Variants in KLF4 observed in about 807,000 individuals in gnomAD.
KLF4 encodes KLF transcription factor 4.
A neutral mutation model predicts 38.0 loss-of-function variants in KLF4; 14 were observed. The observed-to-expected ratio is 0.37, with a 90% CI of 0.24 to 0.58. The LOEUF is 0.58. Among genes scored for constraint, KLF4 ranks in the 20% least tolerant of loss-of-function variants. The pLI is 0.76. For synonymous variants in KLF4, 398 were observed against 302.5 expected, an observed-to-expected ratio of 1.32 and a Z score of -3.28; for missense variants, 737 against 670.1, an observed-to-expected ratio of 1.10 and a Z score of -1.10.
In KLF4 at chr9:107,485,582, G is replaced by T. The variant is rs1415200463; in HGVS notation, c.*169C>A. The stretch of plus-strand genomic sequence containing the variant: ...TCTGTTCTTTGATTTTTGTCTTTTG[G>T]ATTCCTCATTTTTCCTGATTATCCA... On this transcript the variant is annotated 3_prime_UTR_variant, in exon 5 of 5. Transcript: ENST00000374672. This position sits in a 1 kb window ranked among gnomAD's most constrained non-coding sequence, Gnocchi z 4.9. The T allele has an allele frequency of 4.9e-6, 3 of 616,032 alleles. No homozygotes were observed. The Admixed American group carries it at 9.9e-5, about 20-fold the overall frequency. The allele number at this position is 616,032 out of a possible 1,614,324, so 38.2% of individuals were successfully genotyped here.
rs1044316336 is a variant in KLF4 at position 107,488,938 on chromosome 9, G to A, written c.118C>T (p.Pro40Ser). The change falls in exon 2 of 5, where the codon CCG (proline) becomes TCG (serine). Residue 40 changes from proline (P) to serine (S), a missense_variant. This residue lies in a region of KLF4 where 695 missense variants were observed against 554.5 expected (regional missense o/e 1.25). Transcript: ENST00000374672. The surrounding 1 kb of genome is among the most constrained non-coding windows in gnomAD (Gnocchi z 5.7). The part of the protein sequence containing the change: ...REKTLRQAGA[P>S]NNRWREELSH... Reference sequence around the variant, plus strand: ...CCCGGAGCGATACTCACGTTATTCGGGGCACCTGCTTGACGCAGTGTCTTC... The same window carrying A: ...CCCGGAGCGATACTCACGTTATTCGAGGCACCTGCTTGACGCAGTGTCTTC... 5 of 1,556,082 alleles carry A rather than the reference G, an allele frequency of 3.2e-6. No homozygotes were observed. The highest frequency in any genetic ancestry group is 4.3e-6 in the Non-Finnish European group (5 of 1,149,490).
Position 107,489,298 on chromosome 9 carries a change from T to C in KLF4, c.-126A>G. 8.0e-7 allele frequency: 1 copy of C among 1,254,732 alleles called. No homozygotes were observed. Among genetic ancestry groups the C allele is most frequent in the South Asian group, 1.7e-5 (1 of 57,866 alleles). 77.7% of individuals were successfully genotyped at this position (1,254,732 alleles called of 1,614,324 possible). ...CAAATTGGCCGAGATCCTTCTTCTT[T>C]GGATTAAATATAACTTGGAAGCGTC... is the stretch of plus-strand genomic sequence containing the variant. On this transcript the variant is annotated 5_prime_UTR_variant, in exon 1 of 5. Transcript: ENST00000374672.
At position 107,485,627 on chromosome 9, in the gene KLF4, G is replaced by T; in HGVS notation, c.*124C>A. 1 of 936,862 alleles carries T rather than the reference G, an allele frequency of 1.1e-6. No individual in the cohort carries two copies. Among genetic ancestry groups the T allele is most frequent in the Non-Finnish European group, 1.5e-6 (1 of 647,892 alleles). 58.0% of individuals were successfully genotyped at this position (936,862 alleles called of 1,614,324 possible). A position where few individuals can be genotyped will look rare whatever the true frequency, so the allele number is the denominator to read the frequency against. ...TATCCACTCACAAGATGACTCAGTTGGGAACTTGACCATGATTGTAGTGCT... is the reference window on the plus strand; with the variant it reads ...TATCCACTCACAAGATGACTCAGTTTGGAACTTGACCATGATTGTAGTGCT... On this transcript the variant is annotated 3_prime_UTR_variant, in exon 5 of 5. Coordinates refer to ENST00000374672, the MANE Select transcript of KLF4 (RefSeq NM_004235.6). The surrounding 1 kb of genome is among the most constrained non-coding windows in gnomAD (Gnocchi z 4.9).
At position 107,488,155 on chromosome 9, in the gene KLF4, C is replaced by T. The variant is rs775504399; in HGVS notation, c.239G>A (p.Gly80Asp). ...CAGGTTGCTACCGCCGCAAGCCGCA[C>T]CGGCTCCGCCGCTCTCCAGGTCTGT... ...VATDLESGGA[G>D]AACGGSNLAP... Residue 80 changes from glycine to aspartate, a missense_variant, in exon 3 of 5, where the codon GGT (glycine) becomes GAT (aspartate). By Grantham distance (94) the Gly-to-Asp change is moderately conservative. Transcript: ENST00000374672. The surrounding 1 kb of genome is among the most constrained non-coding windows in gnomAD (Gnocchi z 5.7). 4 of 1,612,618 alleles carry T rather than the reference C, an allele frequency of 2.5e-6. No individual in the cohort carries two copies. Among genetic ancestry groups the T allele is most frequent in the Non-Finnish European group, 2.5e-6 (3 of 1,179,874 alleles).
chr9:107,485,633 T>C lies in KLF4; in HGVS notation c.*118A>G, dbSNP rs551922972. The C allele has an allele frequency of 3.3e-5, 34 of 1,023,882 alleles. No individual in the cohort carries two copies. The highest frequency in any genetic ancestry group is 2.8e-5 in the East Asian group (1 of 36,230). 63.4% of individuals were successfully genotyped at this position (1,023,882 alleles called of 1,614,324 possible). On this transcript the variant is annotated 3_prime_UTR_variant, in exon 5 of 5. Coordinates refer to ENST00000374672, the MANE Select transcript of KLF4 (RefSeq NM_004235.6). The surrounding 1 kb of genome is among the most constrained non-coding windows in gnomAD (Gnocchi z 4.9). ...CTCACAAGATGACTCAGTTGGGAAC[T>C]TGACCATGATTGTAGTGCTTTCTGG...
chr9:107,485,849 G>C lies in KLF4; in HGVS notation c.1342C>G (p.Arg448Gly). Residue 448 changes from arginine (R) to glycine (G), a missense_variant, in exon 5 of 5, where the codon CGT (arginine) becomes GGT (glycine). Transcript: ENST00000374672. This position sits in a 1 kb window ranked among gnomAD's most constrained non-coding sequence, Gnocchi z 4.9. ...ARSDELTRHY[R>G]KHTGHRPFQC... ...AACGGGCGGTGCCCCGTGTGTTTAC[G>C]GTAGTGCCTGGTCAGTTCATCTGAG... 1 of 1,612,630 alleles carries C rather than the reference G, an allele frequency of 6.2e-7. No homozygotes were observed. Among genetic ancestry groups the C allele is most frequent in the Non-Finnish European group, 8.5e-7 (1 of 1,179,596 alleles).
rs569435195 is a variant in KLF4 at position 107,488,325 on chromosome 9, T to A, written c.127-58A>T. The stretch of plus-strand genomic sequence containing the variant: ...GGTGGTCCCCTGTTGCCACCCGACA[T>A]ACTGACGTGCTGGCGGGCCACGCGC... On this transcript the variant is annotated intron_variant, in intron 2 of 4. Transcript: ENST00000374672. This position sits in a 1 kb window ranked among gnomAD's most constrained non-coding sequence, Gnocchi z 5.7. 4 of 1,486,194 alleles carry A rather than the reference T, an allele frequency of 2.7e-6. No homozygotes were observed. In the African/African-American group the frequency reaches 5.6e-5, roughly 21 times the overall value. The allele number at this position is 1,486,194 out of a possible 1,614,324, so 92.1% of individuals were successfully genotyped here. A position where few individuals can be genotyped will look rare whatever the true frequency, so the allele number is the denominator to read the frequency against.
chr9:107,489,733 C>T lies in KLF4; in HGVS notation c.-561G>A, dbSNP rs934959504. 1.4e-5 allele frequency: 3 copies of T among 207,478 alleles called. No homozygotes were observed. Among genetic ancestry groups the T allele is most frequent in the Non-Finnish European group, 3.0e-5 (3 of 101,628 alleles). 12.9% of individuals were successfully genotyped at this position (207,478 alleles called of 1,614,324 possible). ...CCACCGCCTCTGCTCCCCGCGCGCC[C>T]GCAGACACGTTCGTTCTCTCTGGTC... On this transcript the variant is annotated 5_prime_UTR_variant, in exon 1 of 5. Transcript: ENST00000374672.
chr9:107,487,157 G>A lies in KLF4; in HGVS notation c.1135C>T (p.Pro379Ser), dbSNP rs2133187664. The A allele has an allele frequency of 6.2e-7, 1 of 1,614,178 alleles. No homozygotes were observed. The highest frequency in any genetic ancestry group is 8.5e-7 in the Non-Finnish European group (1 of 1,180,038). The change falls in exon 4 of 5, where the codon CCC becomes TCC. Residue 379 changes from proline to serine, a missense_variant. Physicochemically the swap from Pro to Ser is moderately conservative, Grantham distance 74 (BLOSUM62 -1). Coordinates refer to ENST00000374672, the MANE Select transcript of KLF4 (RefSeq NM_004235.6). This position sits in a 1 kb window ranked among gnomAD's most constrained non-coding sequence, Gnocchi z 6.1. ...MPPGSCMPEEPKPKRGRRSWP... is the reference protein window; with the variant it reads ...MPPGSCMPEESKPKRGRRSWP... ...GATCGTCTTCCCCTCTTTGGCTTGG[G>A]CTCCTCTGGCATGCAGGAACCGGGT...
In KLF4 at chr9:107,489,332, A is replaced by T. The variant is rs570588522; in HGVS notation, c.-160T>A. 1.1e-5 allele frequency: 11 copies of T among 1,039,014 alleles called. No homozygotes were observed. In the Admixed American group the frequency reaches 3.5e-4, roughly 33 times the overall value. The allele number at this position is 1,039,014 out of a possible 1,614,324, so 64.4% of individuals were successfully genotyped here. A position where few individuals can be genotyped will look rare whatever the true frequency, so the allele number is the denominator to read the frequency against. On this transcript the variant is annotated 5_prime_UTR_variant, in exon 1 of 5. Transcript: ENST00000374672. ...TATAACTTGGAAGCGTCTTTTTTAA[A>T]AAGTTCCTTTGTATACAAAAGTTCT...
chr9:107,487,911 G>A lies in KLF4; in HGVS notation c.483C>T (p.Gly161=), dbSNP rs1306721375. Residue 161 remains glycine, a synonymous_variant, in exon 3 of 5, where the codon GGC becomes GGT. Coordinates refer to ENST00000374672, the MANE Select transcript of KLF4 (RefSeq NM_004235.6). This position sits in a 1 kb window ranked among gnomAD's most constrained non-coding sequence, Gnocchi z 6.1. ...CTCCGCCCGTGCCGCCCGGCGCCAC[G>A]CCCGGGTCGTTCCCGGCCCGGATCG... ...TYPIRAGNDP[G]VAPGGTGGGL... 1 of 1,570,646 alleles carries A rather than the reference G, an allele frequency of 6.4e-7. No individual in the cohort carries two copies. Among genetic ancestry groups the A allele is most frequent in the Non-Finnish European group, 8.6e-7 (1 of 1,158,526 alleles).
rs1401779728 is a variant in KLF4 at position 107,489,547 on chromosome 9, T to C, written c.-375A>G. On this transcript the variant is annotated 5_prime_UTR_variant, in exon 1 of 5. Coordinates refer to ENST00000374672, the MANE Select transcript of KLF4 (RefSeq NM_004235.6). ...TGCCGCCAGGTGAGACTGGCTGCCGTGGCGCGGAGCTGCGAACTGGTCGGC... is the reference window on the plus strand; with the variant it reads ...TGCCGCCAGGTGAGACTGGCTGCCGCGGCGCGGAGCTGCGAACTGGTCGGC... The C allele has an allele frequency of 4.3e-6, 1 of 234,034 alleles. No homozygotes were observed. Among genetic ancestry groups the C allele is most frequent in the South Asian group, 1.8e-4 (1 of 5,604 alleles). 14.5% of individuals were successfully genotyped at this position (234,034 alleles called of 1,614,324 possible). A position where few individuals can be genotyped will look rare whatever the true frequency, so the allele number is the denominator to read the frequency against.
In KLF4 at chr9:107,488,013, T is replaced by C. The variant is rs1315733835; in HGVS notation, c.381A>G (p.Ser127=). 3 of 1,606,748 alleles carry C rather than the reference T, an allele frequency of 1.9e-6. No homozygotes were observed. ...GCGACGACGAAGAGGAGGCTGACGC[T>C]GACGAGGACACGGTGGCGGCCACTG... ...PESVAATVSS[S]ASASSSSSPS... is the part of the protein sequence containing the mutation. The change falls in exon 3 of 5, where the codon TCA becomes TCG. Residue 127 remains serine, a synonymous_variant. Transcript: ENST00000374672. This position sits in a 1 kb window ranked among gnomAD's most constrained non-coding sequence, Gnocchi z 5.7.
Position 107,489,349 on chromosome 9 carries a change from A to T in KLF4, c.-177T>A. 1 of 864,332 alleles carries T rather than the reference A, an allele frequency of 1.2e-6. No homozygotes were observed. The highest frequency in any genetic ancestry group is 1.6e-6 in the Non-Finnish European group (1 of 614,496). 53.5% of individuals were successfully genotyped at this position (864,332 alleles called of 1,614,324 possible). A position where few individuals can be genotyped will look rare whatever the true frequency, so the allele number is the denominator to read the frequency against. On this transcript the variant is annotated 5_prime_UTR_variant, in exon 1 of 5. Transcript: ENST00000374672. ...TTTTTTAAAAAGTTCCTTTGTATAC[A>T]AAAGTTCTTAGAAAAGTTGTAAACG...
Position 107,488,669 on chromosome 9 carries a change from A to G in KLF4, c.126+261T>C, listed in dbSNP as rs915438143. 7.9e-5 allele frequency among the ~76,000 whole-genome samples: 12 copies of G among 152,134 alleles called. No individual in the cohort carries two copies. Among genetic ancestry groups the G allele is most frequent in the Admixed American group, 1.3e-4 (2 of 15,302 alleles). The stretch of plus-strand genomic sequence containing the variant: ...CGGCCACCTCCCGCCCGGTGGCCCG[A>G]GAGCGCCCGCCCTACCGACAGCGCG... On this transcript the variant is annotated intron_variant, in intron 2 of 4. Coordinates refer to ENST00000374672, the MANE Select transcript of KLF4 (RefSeq NM_004235.6). This position sits in a 1 kb window ranked among gnomAD's most constrained non-coding sequence, Gnocchi z 5.7.
intron 4 of KLF4, 83 bp downstream of exon 4, chr9:107,486,945 T>C (rs111928520): frequency 1.3e-5 from 21 of 1,601,822 alleles, no homozygotes; most frequent in Middle Eastern, 1.7e-4. Context: ...ACCTGGGAAG[T>C]CAAGGAGGCA....
Position 107,488,485 on chromosome 9 carries a change from C to A in KLF4, c.127-218G>T. 1.2e-6 allele frequency: 1 copy of A among 813,420 alleles called. No individual in the cohort carries two copies. 50.4% of individuals were successfully genotyped at this position (813,420 alleles called of 1,614,324 possible). On this transcript the variant is annotated intron_variant, in intron 2 of 4. Coordinates refer to ENST00000374672, the MANE Select transcript of KLF4 (RefSeq NM_004235.6). This position sits in a 1 kb window ranked among gnomAD's most constrained non-coding sequence, Gnocchi z 5.7. ...CTGTATTGCGGGTGTTATGTCCTGT[C>A]TGCCCAATTGCGTGTGAGCGAGCGC...
At chr9:107,486,084 T>G (rs928934304) in intron 4 of KLF4, among the ~76,000 whole-genome samples, 158 bp from the exon 5 acceptor site, 10 of 152,182 alleles carry the variant, frequency 6.6e-5, no homozygotes, top group Admixed American at 2.6e-4. Context: ...GAATTCCATA[T>G]CATAAACAGA....
rs368071844 is a variant in KLF4, at chr9:107,487,460, G to A, written c.934C>T (p.Pro312Ser). 9.1e-6 allele frequency: 14 copies of A among 1,535,060 alleles called. No homozygotes were observed. The South Asian group carries it at 1.2e-4, about 13-fold the overall frequency. ...CCCAGGGTCGGGGTAGTCCTGCTGG[G>A]GAGCTGCCGCCCCAGGGGGAAGTCG... Reference protein sequence around the residue: ...AHDFPLGRQLPSRTTPTLGLE... With the variant: ...AHDFPLGRQLSSRTTPTLGLE... Residue 312 changes from proline (P) to serine (S), a missense_variant, in exon 3 of 5, where the codon CCC becomes TCC. Physicochemically the swap from Pro to Ser is moderately conservative, Grantham distance 74. Transcript: ENST00000374672. The surrounding 1 kb of genome is among the most constrained non-coding windows in gnomAD (Gnocchi z 6.1).
Sources: allele counts gnomAD v4.1 joint callset (sites outside exome capture counted in the v4.1 genomes callset), GRCh38; gene constraint gnomAD v4.1.1; regional missense constraint gnomAD v4.1.1; non-coding constraint Gnocchi (gnomAD v3.1); transcripts MANE v1.5; gene names NCBI Gene and HGNC (gene_info 2026-07-23, HGNC 2026-07-21).